The following AFG2A variants were observed in gnomAD, a reference collection of about 807,000 sequenced individuals.
AFG2A encodes the protein ATPase family gene 2 protein homolog A.
chr4:123,314,249 G>A, the AFG2A span: 15 of 410,476 alleles, frequency 3.7e-5, no homozygotes, highest in South Asian at 9.7e-5. Context: ...ATATCTCTGA[G>A]CATAAGTTTC....
chr4:123,261,743 T>C, the AFG2A span, among the ~76,000 whole-genome samples: 2 of 152,130 alleles, frequency 1.3e-5, no homozygotes, highest in South Asian at 2.1e-4. Context: ...TTTACACTTA[T>C]TTTTGTTTTC....
chr4:123,044,552 T>A, the AFG2A span, among the ~76,000 whole-genome samples: 1 of 152,184 alleles, frequency 6.6e-6, no homozygotes, highest in African/African-American at 2.4e-5. Context: ...TCTGACAAAC[T>A]GTTTTCAAAC....
chr4:123,105,255 A>G, the AFG2A span, among the ~76,000 whole-genome samples: 1 of 152,212 alleles, frequency 6.6e-6, no homozygotes, highest in Non-Finnish European at 1.5e-5. Flanking sequence ...TTGACAGCAC[A>G]TCTGTTTACG....
At chr4:123,240,818 C>T in the AFG2A span, among the ~76,000 whole-genome samples, 1 of 151,972 alleles carries the variant, frequency 6.6e-6, no homozygotes, top group African/African-American at 2.4e-5. Context: ...CACAAAAAAC[C>T]CTTCAAAAAA....
chr4:122,948,385 T>TACACAC, the AFG2A span, among the ~76,000 whole-genome samples: 26 of 80,274 alleles, frequency 3.2e-4, no homozygotes, highest in African/African-American at 7.6e-4. Flanking sequence ...TTCTCCAGAG[T>TACACAC]ATACACACAC....
chr4:122,932,468 C>T, the AFG2A span, among the ~76,000 whole-genome samples: 3 of 152,200 alleles, frequency 2.0e-5, no homozygotes, highest in Admixed American at 6.5e-5. Flanking sequence ...GCTGGGATTA[C>T]AGGCATGAGC....
chr4:123,163,758 C>T, the AFG2A span, among the ~76,000 whole-genome samples: 120 of 152,258 alleles, frequency 7.9e-4, no homozygotes, highest in African/African-American at 2.7e-3. Context: ...ATTAGGCAAC[C>T]CTTGAAAGGA....
chr4:123,102,320 C>G, the AFG2A span: 4 of 140,708 alleles, frequency 2.8e-5, no homozygotes. Context: ...AAAGAAAAAG[C>G]AATCAATCAG....
the AFG2A span, among the ~76,000 whole-genome samples, chr4:123,258,469 G>C: frequency 6.6e-6 from 1 of 152,070 alleles, no homozygotes; most frequent in South Asian, 2.1e-4. Context: ...AAACTGTGGG[G>C]AAAAAAGATT....
the AFG2A span, chr4:122,933,968 C>G: frequency 1.8e-6 from 2 of 1,110,618 alleles, no homozygotes; most frequent in Non-Finnish European, 1.2e-6. Context: ...TTTTTTATGA[C>G]AATTATTTTA....
the AFG2A span, among the ~76,000 whole-genome samples, chr4:123,164,586 T>G: frequency 6.6e-6 from 1 of 151,958 alleles, no homozygotes; most frequent in African/African-American, 2.4e-5. Flanking sequence ...GGCCAGGCTT[T>G]TATATCCCCC....
At chr4:123,301,436 A>T in the AFG2A span, among the ~76,000 whole-genome samples, 1 of 152,228 alleles carries the variant, frequency 6.6e-6, no homozygotes, top group East Asian at 1.9e-4. Context: ...ATATAAAAAT[A>T]AAAAAGATAC....
the AFG2A span, among the ~76,000 whole-genome samples, chr4:123,249,092 C>T: frequency 6.6e-6 from 1 of 152,188 alleles, no homozygotes; most frequent in African/African-American, 2.4e-5. Context: ...CTTTTGCCCT[C>T]ACTTTTAACC....
the AFG2A span, among the ~76,000 whole-genome samples, chr4:123,015,683 A>C: frequency 1.3e-5 from 2 of 151,410 alleles, no homozygotes; most frequent in South Asian, 2.1e-4. Context: ...ATGGCCCGTT[A>C]TCAATGAGCT....
At chr4:123,058,004 A>G in the AFG2A span, among the ~76,000 whole-genome samples, 5 of 152,196 alleles carry the variant, frequency 3.3e-5, no homozygotes, top group Non-Finnish European at 5.9e-5. Context: ...TGAAGGGTGA[A>G]GACAACTTAC....
At chr4:122,989,417 GC>G in the AFG2A span, among the ~76,000 whole-genome samples, 1 of 152,064 alleles carries the variant, frequency 6.6e-6, no homozygotes, top group Non-Finnish European at 1.5e-5. Context: ...GGAGCCTGAG[GC>G]CACAGGGACA....
the AFG2A span, among the ~76,000 whole-genome samples, chr4:123,170,552 A>G: frequency 6.6e-6 from 1 of 152,166 alleles, no homozygotes; most frequent in African/African-American, 2.4e-5. Flanking sequence ...TAAATGTGCT[A>G]TTACCTGAGT....
chr4:123,062,430 TAAAG>T, the AFG2A span, among the ~76,000 whole-genome samples: 4 of 152,196 alleles, frequency 2.6e-5, no homozygotes, highest in Non-Finnish European at 5.9e-5. Context: ...TTTTATGAAA[TAAAG>T]ATTTTTTTTA....
the AFG2A span, among the ~76,000 whole-genome samples, chr4:123,286,933 C>T: frequency 1.3e-5 from 2 of 152,094 alleles, no homozygotes; most frequent in East Asian, 3.9e-4. Flanking sequence ...ACTAAAATTA[C>T]TCCCCAAATC....
Sources: allele counts gnomAD v4.1 joint callset (sites outside exome capture counted in the v4.1 genomes callset), GRCh38; gene constraint gnomAD v4.1.1; transcripts MANE v1.5; gene names NCBI Gene and HGNC (gene_info 2026-07-23, HGNC 2026-07-21).